Variants in KIAA0825 observed in about 807,000 individuals in gnomAD.
The protein encoded by KIAA0825 is uncharacterized protein KIAA0825.
A neutral mutation model predicts 147.6 loss-of-function variants in KIAA0825; 119 were observed. The ratio of observed to expected loss-of-function variants is 0.81; its 90% CI spans 0.69 to 0.94. The LOEUF is 0.94. KIAA0825 is among the 40% of genes least tolerant of loss of function. The pLI is 0.00. For synonymous variants in KIAA0825, 470 were observed against 518.1 expected (o/e 0.91, Z 1.26); for missense variants, 1,381 against 1,472.7 (o/e 0.94, Z 1.02).
intron 20 of KIAA0825, among the ~76,000 whole-genome samples, chr5:94,205,647 A>AT (rs1056720308): frequency 1.1e-4 from 17 of 152,116 alleles, no homozygotes; most frequent in African/African-American, 3.4e-4. Context: ...GCTTGTAATA[A>AT]TTATCATGGA....
chr5:94,522,368 T>G (rs1380082821), intron 4 of KIAA0825, among the ~76,000 whole-genome samples: 1 of 151,594 alleles, frequency 6.6e-6, no homozygotes, highest in African/African-American at 2.4e-5. Flanking sequence ...ATAGGACACA[T>G]CAGCATTACT....
chr5:94,489,743 A>T (rs1445740756), intron 5 of KIAA0825, among the ~76,000 whole-genome samples: 2 of 151,862 alleles, frequency 1.3e-5, no homozygotes, highest in African/African-American at 2.4e-5. Flanking sequence ...AAAATTAGCC[A>T]GGCGTGGTGG....
intron 5 of KIAA0825, among the ~76,000 whole-genome samples, chr5:94,518,910 A>G (rs904198463): frequency 6.6e-6 from 1 of 152,144 alleles, no homozygotes; most frequent in Admixed American, 6.5e-5. Context: ...TATTTAGCAC[A>G]TATAAAACTT....
intron 20 of KIAA0825, among the ~76,000 whole-genome samples, chr5:94,244,148 G>A (rs143091322): frequency 3.3e-4 from 50 of 152,254 alleles, no homozygotes; most frequent in Middle Eastern, 3.4e-3. Context: ...GAGATAGGCC[G>A]TTGCTATTTG....
intron 20 of KIAA0825, among the ~76,000 whole-genome samples, chr5:94,184,811 C>T (rs761738672): frequency 5.3e-5 from 8 of 152,130 alleles, no homozygotes; most frequent in Non-Finnish European, 7.4e-5. Flanking sequence ...TTTATCATTT[C>T]ATCTTAAGTT....
intron 20 of KIAA0825, among the ~76,000 whole-genome samples, chr5:94,266,710 A>G (rs2150137897): frequency 6.6e-6 from 1 of 152,332 alleles, no homozygotes; most frequent in African/African-American, 2.4e-5. Context: ...GCCACTCATC[A>G]CTAATTTTTT....
At chr5:94,593,186 T>C in intron 1 of KIAA0825, 1 of 751,784 alleles carries the variant, frequency 1.3e-6, no homozygotes, top group Non-Finnish European at 2.5e-6. Flanking sequence ...GAAGCACTAG[T>C]TACAGAAGCA....
chr5:94,398,658 C>A (rs1750987351), intron 16 of KIAA0825, among the ~76,000 whole-genome samples: 1 of 152,014 alleles, frequency 6.6e-6, no homozygotes, highest in African/African-American at 2.4e-5. Flanking sequence ...CATGAATTGT[C>A]TTTACAACTA....
chr5:94,402,130 G>A (rs78344892), intron 16 of KIAA0825, among the ~76,000 whole-genome samples: 192 of 152,000 alleles, frequency 1.3e-3, no homozygotes, highest in African/African-American at 4.4e-3. Flanking sequence ...ACTTTTACTC[G>A]GAATGAGCAT....
intron 20 of KIAA0825, among the ~76,000 whole-genome samples, chr5:94,379,753 C>A (rs1442595852): frequency 1.3e-5 from 2 of 150,320 alleles, no homozygotes; most frequent in Non-Finnish European, 3.0e-5. Context: ...TGCTTTTTTT[C>A]ATCTCTGATT....
At chr5:94,366,454 C>T (rs1745871389) in intron 20 of KIAA0825, among the ~76,000 whole-genome samples, 1 of 152,148 alleles carries the variant, frequency 6.6e-6, no homozygotes, top group Admixed American at 6.5e-5. Flanking sequence ...TCACCCACGT[C>T]CTCCTTTTGC....
chr5:94,608,449 G>GTATA (rs1260701791), intron 1 of KIAA0825, among the ~76,000 whole-genome samples: 203 of 7,920 alleles, frequency 0.026, 16 homozygotes, highest in African/African-American at 0.053. Flanking sequence ...GTATGTGTGT[G>GTATA]TGTATATATA....
chr5:94,445,573 C>A (rs150161553), intron 13 of KIAA0825, among the ~76,000 whole-genome samples: 8 of 152,270 alleles, frequency 5.3e-5, no homozygotes, highest in Non-Finnish European at 1.0e-4. Context: ...TGAACTGAAT[C>A]ACTCCTAGGC....
chr5:94,594,077 T>C (rs2152399580), intron 1 of KIAA0825: 2 of 540,010 alleles, frequency 3.7e-6, no homozygotes, highest in Middle Eastern at 5.8e-4. Context: ...TTAGGTATAT[T>C]GGATCCTCTT....
At chr5:94,290,422 A>G (rs1182502941) in intron 20 of KIAA0825, among the ~76,000 whole-genome samples, 2 of 152,118 alleles carry the variant, frequency 1.3e-5, no homozygotes, top group Admixed American at 1.3e-4. Flanking sequence ...GCTGAGAATG[A>G]TGGTTTACAG....
At chr5:94,496,394 T>C (rs1764359024) in intron 5 of KIAA0825, among the ~76,000 whole-genome samples, 1 of 152,124 alleles carries the variant, frequency 6.6e-6, no homozygotes, top group Non-Finnish European at 1.5e-5. Flanking sequence ...GCCTAAAATA[T>C]TTACTATTTA....
chr5:94,197,323 T>A (rs912897984), intron 20 of KIAA0825, among the ~76,000 whole-genome samples: 5 of 152,130 alleles, frequency 3.3e-5, no homozygotes, highest in African/African-American at 1.2e-4. Context: ...ATTGTTTGTT[T>A]TTTTGCTTGT....
intron 20 of KIAA0825, among the ~76,000 whole-genome samples, chr5:94,364,381 T>C (rs1745511051): frequency 6.6e-6 from 1 of 151,698 alleles, no homozygotes; most frequent in African/African-American, 2.4e-5. Flanking sequence ...AAATGCTTCA[T>C]TTCTTTTCTT....
intron 20 of KIAA0825, among the ~76,000 whole-genome samples, chr5:94,293,676 C>G (rs1778003999): frequency 6.6e-6 from 1 of 152,124 alleles, no homozygotes; most frequent in African/African-American, 2.4e-5. Context: ...TGTTAATTTT[C>G]TGTCTCATTG....
Sources: gnomAD v4.1 joint callset for allele counts (sites outside exome capture counted in the v4.1 genomes callset) on GRCh38, gnomAD v4.1.1 for gene constraint, MANE v1.5 for transcripts, NCBI Gene and HGNC (gene_info 2026-07-23, HGNC 2026-07-21) for gene names.